TRPV3: variants seen among roughly 807,000 people sequenced by gnomAD.
TRPV3 encodes the protein VRL-3.
TRPV3 carries 88 observed loss-of-function variants against 87.1 expected under a neutral mutation model. That is an observed-to-expected ratio of 1.01 (90% CI 0.85 to 1.21). The LOEUF (loss-of-function observed/expected upper bound fraction) is 1.21. TRPV3 is among the 50% of genes most tolerant of loss of function. The pLI is 0.00. For synonymous variants in TRPV3, 438 were observed against 423.3 expected (o/e 1.03, Z -0.43); for missense variants, 1,054 against 1,030.1 (o/e 1.02, Z -0.32).
intron 1 of TRPV3, among the ~76,000 whole-genome samples, chr17:3,555,198 C>T (rs967401287): frequency 1.3e-5 from 2 of 152,098 alleles, no homozygotes; most frequent in South Asian, 2.1e-4. Context: ...CAGGGTGTCC[C>T]GGTAGAGACC....
chr17:3,526,303 C>A (rs2074299110), intron 12 of TRPV3, among the ~76,000 whole-genome samples: 1 of 152,082 alleles, frequency 6.6e-6, no homozygotes, highest in South Asian at 2.1e-4. Flanking sequence ...CATGGCGAAA[C>A]CCTGTCTCTA....
intron 8 of TRPV3, among the ~76,000 whole-genome samples, chr17:3,532,030 C>T (rs1241084681): frequency 1.3e-5 from 2 of 152,214 alleles, no homozygotes; most frequent in Non-Finnish European, 2.9e-5. Context: ...CGCTTGGACC[C>T]CAGAATCAGT....
chr17:3,542,405 C>A, intron 6 of TRPV3, 117 bp downstream of exon 6: 1 of 1,182,280 alleles, frequency 8.5e-7, no homozygotes, highest in Admixed American at 2.7e-5. Flanking sequence ...ATGCTACATG[C>A]TTGGGGCTCC....
At position 3,530,889 on chromosome 17, in the gene TRPV3, C is replaced by T. The variant is rs1195985037; in HGVS notation, c.1066-686G>A. The stretch of plus-strand genomic sequence containing the variant: ...TGGCCAACATGGTGGAATCCTGTCT[C>T]TACTAAAAATACAAAAATTAGCTGG... On this transcript the variant is annotated intron_variant, in intron 8 of 17. Transcript: ENST00000576742. This position sits in a 1 kb window ranked among gnomAD's most constrained non-coding sequence, Gnocchi z 4.0. Among the ~76,000 whole-genome samples, 1 of 152,046 alleles carries T rather than the reference C, an allele frequency of 6.6e-6. No homozygotes were observed. The highest frequency in any genetic ancestry group is 1.5e-5 in the Non-Finnish European group (1 of 68,000).
chr17:3,529,925 G>C, intron 9 of TRPV3, 102 bp downstream of exon 9: 1 of 1,359,334 alleles, frequency 7.4e-7, no homozygotes, highest in Non-Finnish European at 1.0e-6. Context: ...GATGCCGAGG[G>C]ATGGAGCTGG....
At chr17:3,533,946 G>T (rs1405145331) in intron 7 of TRPV3, among the ~76,000 whole-genome samples, 1 of 152,174 alleles carries the variant, frequency 6.6e-6, no homozygotes, top group Non-Finnish European at 1.5e-5. Context: ...TACATTTCAA[G>T]TACCTAGAAC....
intron 14 of TRPV3, among the ~76,000 whole-genome samples, chr17:3,519,395 G>T (rs56357286): frequency 2.3e-3 from 249 of 110,580 alleles, no homozygotes; most frequent in African/African-American, 5.6e-3. Flanking sequence ...ATTAGATGGA[G>T]GGATGGATGG....
At chr17:3,552,585 A>G (rs545284747) in intron 2 of TRPV3, 4 of 152,322 alleles carry the variant, frequency 2.6e-5, no homozygotes, top group African/African-American at 9.6e-5. Flanking sequence ...GGGTCCTCAG[A>G]GGGCCTTTGG....
Position 3,543,465 on chromosome 17 carries a change from G to T in TRPV3, c.466+9C>A. On this transcript the variant is annotated intron_variant, in intron 5 of 17. Coordinates refer to ENST00000576742, the MANE Select transcript of TRPV3 (RefSeq NM_145068.4). ...AGCCCTGCACCCTCTGCCAGGCTCAGACACTCACCAGGCACATCCTCATCA... is the reference window on the plus strand; with the variant it reads ...AGCCCTGCACCCTCTGCCAGGCTCATACACTCACCAGGCACATCCTCATCA... 2 of 1,612,342 alleles carry T rather than the reference G, an allele frequency of 1.2e-6. No individual in the cohort carries two copies. The highest frequency in any genetic ancestry group is 1.7e-6 in the Non-Finnish European group (2 of 1,179,926).
At chr17:3,521,938 T>C (rs999970517) in intron 13 of TRPV3, among the ~76,000 whole-genome samples, 1 of 151,854 alleles carries the variant, frequency 6.6e-6, no homozygotes, top group African/African-American at 2.4e-5. Flanking sequence ...TAGCTGGGTG[T>C]GGTGGCACAC....
At chr17:3,548,381 C>A (rs1597491421) in intron 2 of TRPV3, among the ~76,000 whole-genome samples, 1 of 152,184 alleles carries the variant, frequency 6.6e-6, no homozygotes, top group South Asian at 2.1e-4. Flanking sequence ...ACCTGCTTCC[C>A]GACATCCAGG....
intron 16 of TRPV3, among the ~76,000 whole-genome samples, chr17:3,514,894 T>C (rs571653475): frequency 9.2e-5 from 14 of 152,108 alleles, no homozygotes; most frequent in African/African-American, 1.7e-4. Context: ...TCTCCTTCCA[T>C]TGTAGGGAAC....
In TRPV3 at chr17:3,512,101, C is replaced by T. The variant is rs1002066139; in HGVS notation, c.*1816G>A. 6.6e-6 allele frequency: 1 copy of T among 152,234 alleles called. No individual in the cohort carries two copies. The highest frequency in any genetic ancestry group is 1.9e-4 in the East Asian group (1 of 5,196). The allele number at this position is 152,234 out of a possible 1,614,324, so 9.4% of individuals were successfully genotyped here. On this transcript the variant is annotated 3_prime_UTR_variant, in exon 18 of 18. Coordinates refer to ENST00000576742, the MANE Select transcript of TRPV3 (RefSeq NM_145068.4). Reference sequence around the variant, plus strand: ...GCAACCAGCTTCTGCTTAAACATCTCCAACATCTGGAGCAGTTGCTGGATT... The same window carrying T: ...GCAACCAGCTTCTGCTTAAACATCTTCAACATCTGGAGCAGTTGCTGGATT...
At chr17:3,547,701 C>T (rs2074539524) in intron 2 of TRPV3, among the ~76,000 whole-genome samples, 1 of 151,718 alleles carries the variant, frequency 6.6e-6, no homozygotes, top group African/African-American at 2.4e-5. Context: ...AGAAGGAAGC[C>T]ATCTCAGGCG....
Position 3,528,715 on chromosome 17 carries a change from T to C in TRPV3, c.1401+122A>G, listed in dbSNP as rs1597475860. The C allele has an allele frequency of 8.3e-7, 1 of 1,204,216 alleles. No homozygotes were observed. The highest frequency in any genetic ancestry group is 2.5e-5 in the East Asian group (1 of 40,772). The allele number at this position is 1,204,216 out of a possible 1,614,324, so 74.6% of individuals were successfully genotyped here. On this transcript the variant is annotated intron_variant, in intron 10 of 17. Transcript: ENST00000576742. The surrounding 1 kb of genome is among the most constrained non-coding windows in gnomAD (Gnocchi z 4.2). ...TTCCCTGGGAAGCGTGAAGGACAACTGGGGGACCCCGCCCAATCTCCTGGT... is the reference window on the plus strand; with the variant it reads ...TTCCCTGGGAAGCGTGAAGGACAACCGGGGGACCCCGCCCAATCTCCTGGT...
At chr17:3,533,088 G>C in intron 7 of TRPV3, 151 bp from the exon 8 acceptor site, 1 of 933,022 alleles carries the variant, frequency 1.1e-6, no homozygotes, top group Non-Finnish European at 1.6e-6. Context: ...ACGGGGAAGA[G>C]TGAAGCTAGA....
intron 2 of TRPV3, 37 bp from the exon 3 acceptor site, chr17:3,545,308 C>A (rs2074513736): frequency 6.6e-7 from 1 of 1,505,620 alleles, no homozygotes; most frequent in African/African-American, 1.4e-5. Context: ...AGGGCCGAGC[C>A]AGGCAGAGCC....
chr17:3,525,767 A>C (rs959713228), intron 12 of TRPV3, among the ~76,000 whole-genome samples: 2 of 151,828 alleles, frequency 1.3e-5, no homozygotes, highest in Non-Finnish European at 2.9e-5. Context: ...TTACAGGTGC[A>C]TGCCACCACA....
At chr17:3,527,879 TCCCA>T in intron 11 of TRPV3, 142 bp downstream of exon 11, 3 of 649,794 alleles carry the variant, frequency 4.6e-6, no homozygotes, top group Admixed American at 2.5e-5. Flanking sequence ...ATCCATTTTT[TCCCA>T]TGTTATAACT....
Sources: allele counts gnomAD v4.1 joint callset (sites outside exome capture counted in the v4.1 genomes callset), GRCh38; gene constraint gnomAD v4.1.1; non-coding constraint Gnocchi (gnomAD v3.1); transcripts MANE v1.5; gene names NCBI Gene and HGNC (gene_info 2026-07-23, HGNC 2026-07-21).